The following EYS variants were observed in gnomAD, a reference collection of about 807,000 sequenced individuals.
The protein encoded by EYS is EGF-like photoreceptor maintenance factor.
EYS carries 250 observed loss-of-function variants against 282.1 expected under a neutral mutation model. The observed-to-expected ratio is 0.89, with a 90% CI of 0.80 to 0.98. The LOEUF is 0.98. Among genes scored for constraint, EYS ranks in the 50% least tolerant of loss-of-function variants. EYS has a pLI of 0.00. For synonymous variants in EYS, 1,355 were observed against 1,282.9 expected, an observed-to-expected ratio of 1.06 and a Z score of -1.20; for missense variants, 4,016 against 3,709.0, an observed-to-expected ratio of 1.08 and a Z score of -2.15.
chr6:64,526,081 T>C (rs1004815002), intron 26 of EYS, among the ~76,000 whole-genome samples: 3 of 151,722 alleles, frequency 2.0e-5, no homozygotes, highest in Admixed American at 6.6e-5. Context: ...AAAAAGCAAA[T>C]CCTAAAAGGT....
chr6:64,420,576 G>A (rs1774198804), intron 28 of EYS, among the ~76,000 whole-genome samples: 1 of 152,184 alleles, frequency 6.6e-6, no homozygotes, highest in South Asian at 2.1e-4. Context: ...GCCACAGCTA[G>A]AGCTGTATTT....
intron 26 of EYS, among the ~76,000 whole-genome samples, chr6:64,568,524 C>A (rs1393290806): frequency 2.0e-5 from 3 of 152,194 alleles, no homozygotes; most frequent in Non-Finnish European, 2.9e-5. Flanking sequence ...TGGGACAGAG[C>A]ACTTAAGGGA....
chr6:64,230,790 A>G lies in EYS; in HGVS notation c.6226T>C (p.Phe2076Leu). The G allele has an allele frequency of 6.4e-7, 1 of 1,551,242 alleles. No homozygotes were observed. The highest frequency in any genetic ancestry group is 8.7e-7 in the Non-Finnish European group (1 of 1,146,596). The change falls in exon 31 of 43, where the codon TTT becomes CTT. Residue 2076 changes from phenylalanine (F) to leucine (L), a missense_variant. Physicochemically the swap from Phe to Leu is conservative, Grantham distance 22. Transcript: ENST00000503581. Reference protein sequence around the residue: ...QGFMLSPTASFVDASDVTQGV... With the variant: ...QGFMLSPTASLVDASDVTQGV... ...TGTGTCACATCAGAAGCATCAACAA[A>G]GGAGGCTGTTGGAGACAGCATAAAT... is the stretch of plus-strand genomic sequence containing the variant.
intron 5 of EYS, among the ~76,000 whole-genome samples, chr6:65,488,367 C>T (rs187699352): frequency 3.5e-3 from 525 of 152,116 alleles, no homozygotes; most frequent in Non-Finnish European, 6.2e-3. Flanking sequence ...GATTCTGGTA[C>T]GTTGTGTCTT....
Position 65,310,424 on chromosome 6 carries a change from T to C in EYS, c.1767-14305A>G, listed in dbSNP as rs930845775. ...GACCAGCTTCCAAGATGACCCTCAA[T>C]GATCCTGCCTGCCTCTGAGTACCCA... On this transcript the variant is annotated intron_variant, in intron 11 of 42. Coordinates refer to ENST00000503581, the MANE Select transcript of EYS (RefSeq NM_001142800.2). 2.0e-5 allele frequency among the ~76,000 whole-genome samples: 3 copies of C among 152,102 alleles called. No individual in the cohort carries two copies. In the South Asian group the frequency reaches 6.2e-4, roughly 32 times the overall value.
At chr6:64,175,307 C>G (rs1454442616) in intron 31 of EYS, among the ~76,000 whole-genome samples, 2 of 152,082 alleles carry the variant, frequency 1.3e-5, no homozygotes, top group African/African-American at 2.4e-5. Flanking sequence ...CTCCAGAAAG[C>G]AAAGCCTCAG....
chr6:64,297,908 G>A (rs189890119), intron 30 of EYS, among the ~76,000 whole-genome samples: 1 of 150,886 alleles, frequency 6.6e-6, no homozygotes, highest in East Asian at 2.0e-4. Context: ...AACCCAGGAG[G>A]CAGAGGTTGC....
chr6:65,349,383 A>C (rs979096382), intron 9 of EYS, among the ~76,000 whole-genome samples: 9 of 151,530 alleles, frequency 5.9e-5, no homozygotes, highest in African/African-American at 1.9e-4. Flanking sequence ...ATTTCATAGA[A>C]CACAAAGATA....
intron 31 of EYS, among the ~76,000 whole-genome samples, chr6:64,196,269 A>T (rs1765285270): frequency 6.6e-6 from 1 of 152,220 alleles, no homozygotes. Context: ...GATGTGGAGA[A>T]ATAGGAACGC....
At chr6:65,561,881 T>A (rs1391895147) in intron 2 of EYS, among the ~76,000 whole-genome samples, 3 of 151,752 alleles carry the variant, frequency 2.0e-5, no homozygotes, top group Non-Finnish European at 4.4e-5. Flanking sequence ...GAATTTTATA[T>A]AACATTTAAT....
intron 5 of EYS, among the ~76,000 whole-genome samples, chr6:65,414,692 A>C (rs975815592): frequency 6.6e-6 from 1 of 152,122 alleles, no homozygotes; most frequent in Non-Finnish European, 1.5e-5. Context: ...ATTTCAAGAT[A>C]TTTATTACAC....
At chr6:64,412,757 G>T (rs903269925) in intron 28 of EYS, 2 of 152,084 alleles carry the variant, frequency 1.3e-5, no homozygotes, top group Non-Finnish European at 2.9e-5. Flanking sequence ...TCTGTTTAAA[G>T]ATAAAGAATC....
chr6:65,221,748 C>A (rs906712413), intron 12 of EYS, among the ~76,000 whole-genome samples: 1 of 152,146 alleles, frequency 6.6e-6, no homozygotes, highest in Non-Finnish European at 1.5e-5. Flanking sequence ...TGACAGCTTG[C>A]ACCATGCACC....
chr6:65,227,421 G>C (rs1341122497), intron 12 of EYS, among the ~76,000 whole-genome samples: 1 of 152,002 alleles, frequency 6.6e-6, no homozygotes, highest in Non-Finnish European at 1.5e-5. Context: ...ACACATATAA[G>C]AACATGAAAT....
chr6:65,651,140 T>G (rs1033303910), intron 1 of EYS, among the ~76,000 whole-genome samples: 7 of 152,078 alleles, frequency 4.6e-5, no homozygotes, highest in African/African-American at 1.7e-4. Context: ...CAGGGACATG[T>G]TAATATTATC....
chr6:64,726,971 C>T (rs1428555616), intron 22 of EYS, among the ~76,000 whole-genome samples: 5 of 152,106 alleles, frequency 3.3e-5, no homozygotes, highest in East Asian at 1.9e-4. Flanking sequence ...ATTTGCACTA[C>T]AGTAATCTTA....
intron 31 of EYS, among the ~76,000 whole-genome samples, chr6:64,137,771 T>C (rs1187776650): frequency 6.6e-6 from 1 of 152,132 alleles, no homozygotes; most frequent in Non-Finnish European, 1.5e-5. Flanking sequence ...TCACTGATTA[T>C]AAATCAGCAT....
At chr6:65,099,396 G>A (rs1774830706) in intron 12 of EYS, among the ~76,000 whole-genome samples, 1 of 150,684 alleles carries the variant, frequency 6.6e-6, no homozygotes, top group Non-Finnish European at 1.5e-5. Context: ...ACAGCAGGGA[G>A]TAAGAAAATC....
chr6:64,670,447 G>GA lies in EYS; in HGVS notation c.3444-44203dup, dbSNP rs68079769. On this transcript the variant is annotated intron_variant, in intron 22 of 42. Transcript: ENST00000503581. ...TAAATAAATAAATAAATAAATAAAT[G>GA]AAAAAAAAACGTTAATAGCACTAGA... 3.8e-3 allele frequency among the ~76,000 whole-genome samples: 531 copies of GA among 141,236 alleles called. 14 individuals are homozygous for GA. The East Asian group carries it at 0.043, about 12-fold the overall frequency. The allele number at this position is 141,236 out of a possible 152,430, so 92.7% of individuals were successfully genotyped here.
Sources: gnomAD v4.1 joint callset for allele counts (sites outside exome capture counted in the v4.1 genomes callset) on GRCh38, gnomAD v4.1.1 for gene constraint, MANE v1.5 for transcripts, NCBI Gene and HGNC (gene_info 2026-07-23, HGNC 2026-07-21) for gene names.